Variants in SLC2A9 observed in about 807,000 individuals in gnomAD.
The protein encoded by SLC2A9 is solute carrier family 2 member 9.
SLC2A9 carries 39 observed loss-of-function variants against 50.6 expected under a neutral mutation model. That is an observed-to-expected ratio of 0.77 (90% CI 0.60 to 1.01). The LOEUF is 1.01. SLC2A9 is among the 50% of genes least tolerant of loss of function. The pLI, the probability that SLC2A9 is intolerant of heterozygous loss-of-function variation, is 0.00. For synonymous variants in SLC2A9, 324 were observed against 276.9 expected (o/e 1.17, Z -1.69); for missense variants, 686 against 677.6 (o/e 1.01, Z -0.14).
intron 5 of SLC2A9, among the ~76,000 whole-genome samples, chr4:9,948,007 C>T (rs905081653): frequency 1.3e-5 from 2 of 152,100 alleles, no homozygotes; most frequent in Non-Finnish European, 2.9e-5. Flanking sequence ...TCCATCACCT[C>T]GCCATACAGG....
At chr4:9,875,504 A>G (rs1188945648) in intron 10 of SLC2A9, among the ~76,000 whole-genome samples, 1 of 152,124 alleles carries the variant, frequency 6.6e-6, no homozygotes, top group Admixed American at 6.5e-5. Context: ...TCTAAGTTGT[A>G]CCTCCTCTAG....
At chr4:9,928,452 C>T (rs1745302752) in intron 6 of SLC2A9, among the ~76,000 whole-genome samples, 2 of 152,222 alleles carry the variant, frequency 1.3e-5, no homozygotes, top group African/African-American at 4.8e-5. Context: ...TGGATCTCAG[C>T]TGGGAGCAGT....
At chr4:9,906,789 A>G (rs925379054) in intron 8 of SLC2A9, among the ~76,000 whole-genome samples, 1 of 152,270 alleles carries the variant, frequency 6.6e-6, no homozygotes, top group Non-Finnish European at 1.5e-5. Flanking sequence ...CATTGCTCAA[A>G]GTAAAAATAA....
At chr4:9,996,718 C>G in intron 3 of SLC2A9, 63 bp downstream of exon 3, 1 of 1,587,808 alleles carries the variant, frequency 6.3e-7, no homozygotes, top group Non-Finnish European at 8.6e-7. Flanking sequence ...AGGACCCTGA[C>G]AATGACACAG....
downstream of SLC2A9, among the ~76,000 whole-genome samples, chr4:9,797,737 C>G (rs1720758547): frequency 1.3e-5 from 2 of 152,216 alleles, no homozygotes; most frequent in Non-Finnish European, 1.5e-5. Flanking sequence ...CCAGTTTCTG[C>G]CTGTGTTGCC....
chr4:10,007,181 G>C (rs979024210), intron 2 of SLC2A9, among the ~76,000 whole-genome samples: 1 of 152,196 alleles, frequency 6.6e-6, no homozygotes, highest in Non-Finnish European at 1.5e-5. Flanking sequence ...CCTGAAGGTG[G>C]TGTTGGGTGA....
Position 9,980,726 on chromosome 4 carries a change from T to TGTAGA in SLC2A9, c.546_547insTCTAC (p.Val184ThrfsTer23). ...TCACTAAGGTACATGGGGAGCACACTGAGGGCGACGCCTGTAGAGAGAAAG... is the reference window on the plus strand; with the variant it reads ...TCACTAAGGTACATGGGGAGCACACTGTAGAGAGGGCGACGCCTGTAGAGAGAAAG... On this transcript the variant is annotated frameshift_variant, in exon 5 of 12. Coordinates refer to ENST00000264784, the MANE Select transcript of SLC2A9 (RefSeq NM_020041.3). LOFTEE classifies it high-confidence loss of function. The TGTAGA allele has an allele frequency of 2.5e-6, 4 of 1,614,126 alleles. No homozygotes were observed. The highest frequency in any genetic ancestry group is 3.4e-6 in the Non-Finnish European group (4 of 1,180,014).
chr4:9,982,073 G>T (rs1039499058), intron 4 of SLC2A9, among the ~76,000 whole-genome samples: 1 of 152,100 alleles, frequency 6.6e-6, no homozygotes, highest in Non-Finnish European at 1.5e-5. Flanking sequence ...GTAGAGACGG[G>T]TTTCTCCATG....
Position 9,881,555 on chromosome 4 carries a change from T to C in SLC2A9, c.1291+6012A>G, listed in dbSNP as rs189875791. Among the ~76,000 whole-genome samples, 488 of 152,138 alleles carry C rather than the reference T, an allele frequency of 3.2e-3. 1 individual carries two copies. The highest frequency in any genetic ancestry group is 0.014 in the Middle Eastern group (4 of 294). ...TTAAAATAAAAAGTTAGAAAGAAAA[T>C]ATATTAGGCTTTTCAGGCCACATGT... On this transcript the variant is annotated intron_variant, in intron 10 of 11. Transcript: ENST00000264784.
downstream of SLC2A9, among the ~76,000 whole-genome samples, chr4:9,779,218 C>G (rs59310744): frequency 7.2e-5 from 11 of 152,076 alleles, 1 homozygote. Context: ...CTGTCTTCCC[C>G]TTTGCCTACT....
At chr4:9,903,987 T>A (rs1458102130) in intron 8 of SLC2A9, among the ~76,000 whole-genome samples, 1 of 148,634 alleles carries the variant, frequency 6.7e-6, no homozygotes, top group Non-Finnish European at 1.5e-5. Flanking sequence ...TTATGCATAT[T>A]ATATATATAA....
At chr4:9,896,249 C>T (rs1245107763) in intron 8 of SLC2A9, among the ~76,000 whole-genome samples, 1 of 152,224 alleles carries the variant, frequency 6.6e-6, no homozygotes, top group Non-Finnish European at 1.5e-5. Context: ...TACTCCACAT[C>T]CTTGGCAACA....
chr4:10,022,809 T>A (rs926663556), upstream of SLC2A9, among the ~76,000 whole-genome samples: 2 of 152,190 alleles, frequency 1.3e-5, no homozygotes, highest in African/African-American at 4.8e-5. Flanking sequence ...TGCACGGTGG[T>A]GGGAATGTGG....
Position 9,826,352 on chromosome 4 carries a change from A to C in SLC2A9, c.*45T>G, listed in dbSNP as rs981544976. The C allele has an allele frequency of 1.3e-6, 2 of 1,592,130 alleles. No individual in the cohort carries two copies. Among genetic ancestry groups the C allele is most frequent in the Non-Finnish European group, 8.6e-7 (1 of 1,160,088 alleles). On this transcript the variant is annotated 3_prime_UTR_variant, in exon 12 of 12. Transcript: ENST00000264784. ...GAAAAGTGAGATCATCCATGTAGAC[A>C]ATCCTGTTTTTGACATAATTGTCCA...
intron 7 of SLC2A9, among the ~76,000 whole-genome samples, chr4:9,912,754 C>T (rs1316217823): frequency 2.2e-4 from 34 of 152,218 alleles, no homozygotes; most frequent in Admixed American, 2.2e-3. Context: ...AAAATGTTCA[C>T]ATGCTAATCC....
At position 9,890,594 on chromosome 4, in the gene SLC2A9, A is replaced by C. The variant is rs781389754; in HGVS notation, c.1215+16T>G. ...CATGCTTATCTCCCTCAAATGTGAC[A>C]AGAACATCGTCTCACCTGCAGGGTC... is the stretch of plus-strand genomic sequence containing the variant. On this transcript the variant is annotated intron_variant, in intron 9 of 11. Coordinates refer to ENST00000264784, the MANE Select transcript of SLC2A9 (RefSeq NM_020041.3). 6.2e-7 allele frequency: 1 copy of C among 1,613,110 alleles called. No homozygotes were observed. Among genetic ancestry groups the C allele is most frequent in the Non-Finnish European group, 8.5e-7 (1 of 1,179,032 alleles).
intron 3 of SLC2A9, among the ~76,000 whole-genome samples, chr4:9,820,922 T>C (rs975688114): frequency 7.9e-5 from 12 of 152,238 alleles, no homozygotes; most frequent in Admixed American, 4.6e-4. Context: ...CTTTTATTTA[T>C]TTTTCTCACC....
At chr4:9,996,724 C>A in intron 3 of SLC2A9, 57 bp downstream of exon 3, 1 of 1,595,634 alleles carries the variant, frequency 6.3e-7, no homozygotes, top group Non-Finnish European at 8.6e-7. Context: ...CTGACAATGA[C>A]ACAGATATAT....
intron 8 of SLC2A9, among the ~76,000 whole-genome samples, chr4:9,892,225 C>T (rs12108499): frequency 6.6e-6 from 1 of 152,190 alleles, no homozygotes; most frequent in African/African-American, 2.4e-5. Context: ...CTGAGCACCC[C>T]GGCCATGTAG....
Sources: gnomAD v4.1 joint callset for allele counts (sites outside exome capture counted in the v4.1 genomes callset) on GRCh38, gnomAD v4.1.1 for gene constraint, MANE v1.5 for transcripts, NCBI Gene and HGNC (gene_info 2026-07-23, HGNC 2026-07-21) for gene names.